EPHA3: variants seen among roughly 807,000 people sequenced by gnomAD.
EPHA3 encodes the protein EPH receptor A3, also known as ephrin type-A receptor 3.
Under a neutral mutation model 107.1 loss-of-function variants are expected in EPHA3, and 42 were observed. That is an observed-to-expected ratio of 0.39 (90% CI 0.31 to 0.51). The LOEUF is 0.51. Among genes scored for constraint, EPHA3 ranks in the 20% least tolerant of loss-of-function variants. The pLI is 0.78. For missense variants in EPHA3, 1,183 were observed against 1,211.2 expected (o/e 0.98, Z 0.35); for synonymous variants, 461 against 424.8 (o/e 1.09, Z -1.05).
intron 5 of EPHA3, among the ~76,000 whole-genome samples, chr3:89,391,546 G>T (rs1708739917): frequency 1.3e-5 from 2 of 149,540 alleles, no homozygotes; most frequent in Non-Finnish European, 3.0e-5. Context: ...TCCTGCCTCA[G>T]CCTCCCGAAT....
At chr3:89,296,313 T>C (rs796263114) in intron 3 of EPHA3, among the ~76,000 whole-genome samples, 33 of 152,352 alleles carry the variant, frequency 2.2e-4, no homozygotes, top group African/African-American at 7.7e-4. Context: ...TTACAAAATA[T>C]ATTTCTTAGA....
At chr3:89,141,208 T>C (rs1321017813) in intron 2 of EPHA3, among the ~76,000 whole-genome samples, 1 of 151,600 alleles carries the variant, frequency 6.6e-6, no homozygotes, top group African/African-American at 2.4e-5. Flanking sequence ...CAGAGCCTCA[T>C]ACATTATGCC....
At chr3:89,402,148 A>G (rs1708976345) in intron 7 of EPHA3, among the ~76,000 whole-genome samples, 1 of 152,174 alleles carries the variant, frequency 6.6e-6, no homozygotes, top group Non-Finnish European at 1.5e-5. Flanking sequence ...TTAAAATTGT[A>G]ATGTAATTCC....
rs915006006 is a variant in EPHA3, at chr3:89,476,278, G to GT, written c.2847-3113dup. 1.6e-4 allele frequency among the ~76,000 whole-genome samples: 23 copies of GT among 148,100 alleles called. 1 individual carries two copies. Among genetic ancestry groups the GT allele is most frequent in the Admixed American group, 1.5e-3 (22 of 14,822 alleles). ...GTTCACAGATACAGAATGTAAAACA[G>GT]TTTTTTGCAGAACATTTCTTGAGGA... On this transcript the variant is annotated intron_variant, in intron 16 of 16. Coordinates refer to ENST00000336596, the MANE Select transcript of EPHA3 (RefSeq NM_005233.6).
intron 13 of EPHA3, among the ~76,000 whole-genome samples, chr3:89,432,935 CAAT>C (rs1251782161): frequency 6.6e-6 from 1 of 151,838 alleles, no homozygotes; most frequent in Admixed American, 6.6e-5. Context: ...TTACAATATT[CAAT>C]AATGTCTAAT....
intron 3 of EPHA3, among the ~76,000 whole-genome samples, chr3:89,264,536 T>C (rs1403816286): frequency 6.6e-6 from 1 of 152,188 alleles, no homozygotes; most frequent in Non-Finnish European, 1.5e-5. Context: ...CTAATGTAGA[T>C]GAGTTCTCTT....
intron 2 of EPHA3, among the ~76,000 whole-genome samples, chr3:89,203,297 C>A (rs2107165866): frequency 7.0e-6 from 1 of 143,802 alleles, no homozygotes; most frequent in Middle Eastern, 3.6e-3. Context: ...TTTAAAAAAG[C>A]TTCCTGGTTC....
intron 3 of EPHA3, among the ~76,000 whole-genome samples, chr3:89,223,923 C>A (rs767208639): frequency 3.3e-5 from 5 of 152,040 alleles, no homozygotes; most frequent in Non-Finnish European, 7.4e-5. Context: ...TGTAATCTTT[C>A]TAAGATTAAC....
chr3:89,469,543 A>G (rs1455859101), intron 15 of EPHA3, among the ~76,000 whole-genome samples: 1 of 152,210 alleles, frequency 6.6e-6, no homozygotes, highest in African/African-American at 2.4e-5. Context: ...GGTCTTTTGT[A>G]CATAAGAGAG....
At chr3:89,478,374 T>C (rs1710558643) in intron 16 of EPHA3, among the ~76,000 whole-genome samples, 2 of 152,196 alleles carry the variant, frequency 1.3e-5, no homozygotes, top group Admixed American at 1.3e-4. Context: ...ATCATAGTGT[T>C]GTGGGTTATA....
chr3:89,466,968 A>G (rs1710291224), intron 15 of EPHA3, among the ~76,000 whole-genome samples: 1 of 152,136 alleles, frequency 6.6e-6, no homozygotes, highest in Non-Finnish European at 1.5e-5. Flanking sequence ...AGGCCTAGAG[A>G]TAATTAAAAT....
At chr3:89,311,722 A>T (rs1211949759) in intron 3 of EPHA3, among the ~76,000 whole-genome samples, 1 of 152,078 alleles carries the variant, frequency 6.6e-6, no homozygotes, top group Non-Finnish European at 1.5e-5. Context: ...AGCAAATGCC[A>T]GCTCTGGAAT....
intron 2 of EPHA3, among the ~76,000 whole-genome samples, chr3:89,146,909 T>C (rs539650236): frequency 1.8e-4 from 27 of 151,922 alleles, no homozygotes; most frequent in African/African-American, 6.5e-4. Context: ...GCAGCACTAT[T>C]TACAATAGAA....
intron 2 of EPHA3, among the ~76,000 whole-genome samples, chr3:89,199,715 A>T (rs190037950): frequency 6.6e-6 from 1 of 152,072 alleles, no homozygotes; most frequent in East Asian, 1.9e-4. Context: ...ACTGACACAT[A>T]GTTTCTAGAA....
At chr3:89,194,861 T>A (rs904733696) in intron 2 of EPHA3, among the ~76,000 whole-genome samples, 23 of 152,148 alleles carry the variant, frequency 1.5e-4, no homozygotes, top group Non-Finnish European at 3.2e-4. Context: ...CAGCAGTATA[T>A]ACCATGCCGA....
chr3:89,185,921 C>T (rs750267669), intron 2 of EPHA3, among the ~76,000 whole-genome samples: 4 of 152,076 alleles, frequency 2.6e-5, no homozygotes, highest in Non-Finnish European at 4.4e-5. Context: ...TTGTCTATTA[C>T]TCAAATTTAA....
chr3:89,184,982 C>A (rs143202624), intron 2 of EPHA3, among the ~76,000 whole-genome samples: 150 of 152,040 alleles, frequency 9.9e-4, no homozygotes, highest in African/African-American at 3.3e-3. Context: ...AATTAAAAAG[C>A]CAACTTCTTA....
intron 2 of EPHA3, among the ~76,000 whole-genome samples, chr3:89,143,336 G>A (rs1344762390): frequency 1.3e-5 from 2 of 151,438 alleles, no homozygotes; most frequent in Non-Finnish European, 3.0e-5. Context: ...GGCGTTGAAA[G>A]ATCTTGCTTT....
chr3:89,441,493 G>T (rs1257547288), intron 13 of EPHA3, among the ~76,000 whole-genome samples: 1 of 152,054 alleles, frequency 6.6e-6, no homozygotes, highest in Non-Finnish European at 1.5e-5. Flanking sequence ...GTTTAAATAT[G>T]GTTAAAAAAC....
Sources: gnomAD v4.1 joint callset for allele counts (sites outside exome capture counted in the v4.1 genomes callset) on GRCh38, gnomAD v4.1.1 for gene constraint, MANE v1.5 for transcripts, NCBI Gene and HGNC (gene_info 2026-07-23, HGNC 2026-07-21) for gene names.